The following CTSB variants were observed in gnomAD, a reference collection of about 807,000 sequenced individuals.
CTSB encodes the protein cathepsin B.
A neutral mutation model predicts 44.3 loss-of-function variants in CTSB; 57 were observed. The observed-to-expected ratio is 1.29, with a 90% CI of 1.04 to 1.60. The LOEUF (loss-of-function observed/expected upper bound fraction) is 1.60. CTSB is among the 40% of genes most tolerant of loss of function. CTSB has a pLI of 0.00. For missense variants in CTSB, 768 were observed against 443.0 expected (o/e 1.73, Z -6.59); for synonymous variants, 320 against 168.0 (o/e 1.91, Z -7.00).
At chr8:11,854,393 T>G (rs1199042340) in intron 1 of CTSB, among the ~76,000 whole-genome samples, 2 of 152,180 alleles carry the variant, frequency 1.3e-5, no homozygotes, top group Non-Finnish European at 2.9e-5. Flanking sequence ...ACCTAGGGGT[T>G]CTATCTGAAG....
At chr8:11,851,574 T>C (rs1172790831) in intron 3 of CTSB, among the ~76,000 whole-genome samples, 2 of 152,226 alleles carry the variant, frequency 1.3e-5, no homozygotes, top group African/African-American at 4.8e-5. Flanking sequence ...AAACTCATTT[T>C]TAAATAAGTT....
intron 1 of CTSB, among the ~76,000 whole-genome samples, chr8:11,864,724 G>A (rs963281280): frequency 1.3e-5 from 2 of 151,962 alleles, no homozygotes; most frequent in East Asian, 1.9e-4. Flanking sequence ...TGGGAGGCGA[G>A]GCGGGCAGAT....
chr8:11,845,081 C>A lies in CTSB; in HGVS notation c.*44G>T. On this transcript the variant is annotated 3_prime_UTR_variant, in exon 10 of 10. Transcript: ENST00000353047. ...ACTTAAAGAATAAAATGCATTTCTA[C>A]CCCGATCTCGCCCCCAGGACTGGCA... 1 of 1,291,176 alleles carries A rather than the reference C, an allele frequency of 7.7e-7. No individual in the cohort carries two copies. The highest frequency in any genetic ancestry group is 1.1e-6 in the Non-Finnish European group (1 of 886,422). 80.0% of individuals were successfully genotyped at this position (1,291,176 alleles called of 1,614,324 possible).
intron 1 of CTSB, chr8:11,862,582 A>G (rs991838687): frequency 6.6e-6 from 1 of 152,210 alleles, no homozygotes; most frequent in Non-Finnish European, 1.5e-5. Context: ...TGTCCCAAAC[A>G]CCAGGAAGGC....
chr8:11,846,038 T>G, intron 8 of CTSB: 1 of 340,258 alleles, frequency 2.9e-6, no homozygotes, highest in East Asian at 5.1e-5. Flanking sequence ...CTTGTTGGCT[T>G]TAAAAATAGA....
At chr8:11,862,610 G>A (rs969156795) in intron 1 of CTSB, 1 of 152,242 alleles carries the variant, frequency 6.6e-6, no homozygotes, top group Non-Finnish European at 1.5e-5. Context: ...GTTGGGAATG[G>A]GTGGCAGGTG....
At chr8:11,848,469 C>CT in intron 5 of CTSB, 1 of 449,170 alleles carries the variant, frequency 2.2e-6, no homozygotes. Context: ...TGAGCAGACG[C>CT]TAAACTTCCC....
chr8:11,845,097 A>T lies in CTSB; in HGVS notation c.*28T>A. On this transcript the variant is annotated 3_prime_UTR_variant, in exon 10 of 10. Transcript: ENST00000353047. ...GCATTTCTACCCCGATCTCGCCCCC[A>T]GGACTGGCACGACAGGCCCACGGCA... 6.7e-7 allele frequency: 1 copy of T among 1,488,844 alleles called. No individual in the cohort carries two copies. Among genetic ancestry groups the T allele is most frequent in the Non-Finnish European group, 9.4e-7 (1 of 1,066,316 alleles). 92.2% of individuals were successfully genotyped at this position (1,488,844 alleles called of 1,614,324 possible).
intron 1 of CTSB, chr8:11,853,788 C>G (rs1474220657): frequency 4.1e-6 from 1 of 242,406 alleles, no homozygotes; most frequent in Non-Finnish European, 8.1e-6. Context: ...ATTTGTAGAA[C>G]AGCTTGAGAC....
chr8:11,858,462 G>T (rs559553470), intron 1 of CTSB, among the ~76,000 whole-genome samples: 1 of 151,960 alleles, frequency 6.6e-6, no homozygotes, highest in Admixed American at 6.6e-5. Context: ...GCCCAGCTTT[G>T]TATTTTTTGT....
At chr8:11,847,894 C>A in intron 6 of CTSB, 72 bp from the exon 7 acceptor site, 4 of 1,514,236 alleles carry the variant, frequency 2.6e-6, no homozygotes, top group Non-Finnish European at 3.6e-6. Context: ...AGGCAAGCCT[C>A]GTGCCTGCAG....
At chr8:11,848,564 AT>A (rs908474546) in intron 5 of CTSB, 6 of 340,980 alleles carry the variant, frequency 1.8e-5, no homozygotes, top group African/African-American at 8.5e-5. Flanking sequence ...AAGCCCATGC[AT>A]TTTTTTAAGC....
At chr8:11,850,203 C>T (rs1003761702) in intron 4 of CTSB, among the ~76,000 whole-genome samples, 4 of 151,982 alleles carry the variant, frequency 2.6e-5, no homozygotes, top group Non-Finnish European at 4.4e-5. Flanking sequence ...GGCAGATCAA[C>T]AGGTGAGGCG....
At chr8:11,848,389 G>A (rs1328017652) in intron 5 of CTSB, 2 of 650,524 alleles carry the variant, frequency 3.1e-6, no homozygotes, top group East Asian at 3.0e-5. Context: ...GAAGACAGGA[G>A]GCTCTCCTGT....
In CTSB at chr8:11,862,163, C is replaced by T. The variant is rs572158343; in HGVS notation, c.-26+5838G>A. ...CGGAGTTTGCAGTGAGCCGAGATCA[C>T]GCCACTGCACTCCAGCCTGGGCGAC... On this transcript the variant is annotated intron_variant, in intron 1 of 9. Coordinates refer to ENST00000353047, the MANE Select transcript of CTSB (RefSeq NM_001908.5). 2.1e-3 allele frequency among the ~76,000 whole-genome samples: 315 copies of T among 150,658 alleles called. 4 individuals are homozygous for T. The highest frequency in any genetic ancestry group is 0.017 in the South Asian group (81 of 4,760).
chr8:11,844,931 C>T lies in CTSB; in HGVS notation c.*194G>A, dbSNP rs1235696582. 1.7e-5 allele frequency: 10 copies of T among 588,688 alleles called. No homozygotes were observed. Among genetic ancestry groups the T allele is most frequent in the Non-Finnish European group, 3.0e-5 (10 of 329,474 alleles). The allele number at this position is 588,688 out of a possible 1,614,324, so 36.5% of individuals were successfully genotyped here. On this transcript the variant is annotated 3_prime_UTR_variant, in exon 10 of 10. Transcript: ENST00000353047. ...GCTCTGTGCTGGCAGCGGTGGCTCA[C>T]ATGGCCTGTCTGCACTGTAACCACA...
rs998259765 is a variant in CTSB, at chr8:11,845,561, G to A, written c.922+100C>T. ...GCTCACAGCCTGGCCGTAGGTCCAG[G>A]GTTTAAGGCTGTGCGGTGGGTAGAA... On this transcript the variant is annotated intron_variant, in intron 9 of 9. Coordinates refer to ENST00000353047, the MANE Select transcript of CTSB (RefSeq NM_001908.5). 5 of 1,425,362 alleles carry A rather than the reference G, an allele frequency of 3.5e-6. No homozygotes were observed. In the African/African-American group the frequency reaches 4.2e-5, roughly 12 times the overall value. 88.3% of individuals were successfully genotyped at this position (1,425,362 alleles called of 1,614,324 possible). A position where few individuals can be genotyped will look rare whatever the true frequency, so the allele number is the denominator to read the frequency against.
At chr8:11,845,939 C>A (rs1313676501) in intron 8 of CTSB, 150 bp from the exon 9 acceptor site, 1 of 832,550 alleles carries the variant, frequency 1.2e-6, no homozygotes, top group Non-Finnish European at 1.7e-6. Flanking sequence ...GGGGGGGTCC[C>A]ACAATACTGG....
chr8:11,852,409 C>T (rs1451191903), intron 3 of CTSB, among the ~76,000 whole-genome samples: 3 of 152,060 alleles, frequency 2.0e-5, no homozygotes, highest in Admixed American at 2.0e-4. Context: ...CTACTAATAA[C>T]TTGAGAAGGA....
Sources: gnomAD v4.1 joint callset for allele counts (sites outside exome capture counted in the v4.1 genomes callset) on GRCh38, gnomAD v4.1.1 for gene constraint, MANE v1.5 for transcripts, NCBI Gene and HGNC (gene_info 2026-07-23, HGNC 2026-07-21) for gene names.